Variants in MYOZ3 observed in about 807,000 individuals in gnomAD.
The protein encoded by MYOZ3 is myozenin-3.
In MYOZ3, 19 loss-of-function variants were observed where a neutral mutation model predicts 26.5. The ratio of observed to expected loss-of-function variants is 0.72; its 90% CI spans 0.50 to 1.05. MYOZ3 has a LOEUF of 1.05. Ranked by LOEUF, MYOZ3 falls within the 50% of genes least tolerant of loss-of-function variation. The pLI, the probability that MYOZ3 is intolerant of heterozygous loss-of-function variation, is 0.00. For synonymous variants in MYOZ3, 135 were observed against 138.8 expected, an observed-to-expected ratio of 0.97 and a Z score of 0.19; for missense variants, 322 against 337.1, an observed-to-expected ratio of 0.96 and a Z score of 0.35.
intron 2 of MYOZ3, among the ~76,000 whole-genome samples, chr5:150,669,758 G>A (rs138848496): frequency 3.5e-5 from 5 of 142,308 alleles, no homozygotes; most frequent in African/African-American, 1.3e-4. Context: ...TGATTCTCCT[G>A]CCTCAGCCTC....
intron 4 of MYOZ3, 42 bp from the exon 5 acceptor site, chr5:150,671,713 G>T (rs1561670942): frequency 6.2e-7 from 1 of 1,613,312 alleles, no homozygotes; most frequent in Non-Finnish European, 8.5e-7. Context: ...GCTGGGGGCG[G>T]GAGGTCGTCG....
rs765211267 is a variant in MYOZ3, at chr5:150,671,754, G to A, written c.271-1G>A. 1.9e-6 allele frequency: 3 copies of A among 1,613,396 alleles called. No homozygotes were observed. In the Admixed American group the frequency reaches 5.0e-5, roughly 27 times the overall value. The stretch of plus-strand genomic sequence containing the variant: ...CTCTGAGAACCCGCCCCTGTGCCCA[G>A]GTTGCCAATGCCAATGGCCCTGAGG... On this transcript the variant is annotated splice_acceptor_variant, in intron 4 of 6. Coordinates refer to ENST00000517768, the MANE Select transcript of MYOZ3 (RefSeq NM_001122853.3). LOFTEE classifies it high-confidence loss of function.
chr5:150,668,116 CTTG>C (rs1225635239), intron 2 of MYOZ3, among the ~76,000 whole-genome samples: 1 of 152,180 alleles, frequency 6.6e-6, no homozygotes, highest in Non-Finnish European at 1.5e-5. Flanking sequence ...ATGTCACTCA[CTTG>C]TTTGAAAAAC....
chr5:150,670,632 G>A lies in MYOZ3; in HGVS notation c.210G>A (p.Gln70=). The part of the protein sequence containing the change: ...QKFTFELAAS[Q]RAMLAGSARR... The stretch of plus-strand genomic sequence containing the variant: ...TCACTTTCGAGTTAGCAGCCAGCCA[G>A]CGGGCGGTGAGTAAGCCACCATTGT... The change falls in exon 3 of 7, where the codon CAG becomes CAA. Residue 70 remains glutamine (Q), a synonymous_variant. Transcript: ENST00000517768. 1.9e-6 allele frequency: 3 copies of A among 1,608,346 alleles called. No homozygotes were observed. Among genetic ancestry groups the A allele is most frequent in the Non-Finnish European group, 2.6e-6 (3 of 1,175,768 alleles).
chr5:150,670,586 G>A lies in MYOZ3; in HGVS notation c.164G>A (p.Arg55Lys). 6.2e-7 allele frequency: 1 copy of A among 1,613,210 alleles called. No homozygotes were observed. The highest frequency in any genetic ancestry group is 8.5e-7 in the Non-Finnish European group (1 of 1,179,550). The change falls in exon 3 of 7, where the codon AGG becomes AAG. Residue 55 changes from arginine (R) to lysine (K), a missense_variant. Coordinates refer to ENST00000517768, the MANE Select transcript of MYOZ3 (RefSeq NM_001122853.3). ...AGAGGGTCCCTCCTCTTCCAGAAGA[G>A]GCAGCGCCGTGTGCAGAAGTTCACT... ...NNRGSLLFQK[R>K]QRRVQKFTFE...
At chr5:150,666,735 C>G (rs1395962421) in intron 2 of MYOZ3, among the ~76,000 whole-genome samples, 1 of 149,572 alleles carries the variant, frequency 6.7e-6, no homozygotes, top group Non-Finnish European at 1.5e-5. Flanking sequence ...CTTACTTTCC[C>G]CTCCAATTAA....
intron 6 of MYOZ3, 169 bp downstream of exon 6, chr5:150,672,671 A>G (rs1023193766): frequency 1.4e-6 from 1 of 714,840 alleles, no homozygotes; most frequent in African/African-American, 1.8e-5. Context: ...CGCACCTGGT[A>G]GGTGCTCAGT....
chr5:150,663,696 T>C (rs1275492115), intron 2 of MYOZ3, among the ~76,000 whole-genome samples: 3 of 152,128 alleles, frequency 2.0e-5, no homozygotes, highest in Non-Finnish European at 4.4e-5. Flanking sequence ...TTCAGGTATT[T>C]TAAAAATTAA....
intron 5 of MYOZ3, 48 bp downstream of exon 5, chr5:150,671,956 C>A: frequency 6.8e-7 from 1 of 1,477,070 alleles, no homozygotes; most frequent in South Asian, 1.4e-5. Context: ...GGGCCTGAAG[C>A]ATGGGTGTGC....
At chr5:150,667,206 T>C (rs1338063358) in intron 2 of MYOZ3, among the ~76,000 whole-genome samples, 3 of 152,224 alleles carry the variant, frequency 2.0e-5, no homozygotes, top group African/African-American at 7.2e-5. Flanking sequence ...TGACCCCCAG[T>C]ACTGCCTGGT....
Position 150,666,648 on chromosome 5 carries a change from T to C in MYOZ3, c.61+3646T>C, listed in dbSNP as rs191747235. Among the ~76,000 whole-genome samples, 519 of 143,024 alleles carry C rather than the reference T, an allele frequency of 3.6e-3. 1 individual carries two copies. Among genetic ancestry groups the C allele is most frequent in the African/African-American group, 0.011 (395 of 37,562 alleles). The allele number at this position is 143,024 out of a possible 152,430, so 93.8% of individuals were successfully genotyped here. A position where few individuals can be genotyped will look rare whatever the true frequency, so the allele number is the denominator to read the frequency against. On this transcript the variant is annotated intron_variant, in intron 2 of 6. Coordinates refer to ENST00000517768, the MANE Select transcript of MYOZ3 (RefSeq NM_001122853.3). ...AAAAAAAAATATATATATATATATA[T>C]ACACACACATATATATAAAATATAG...
rs765440767 is a variant in MYOZ3, at chr5:150,671,598, T to TG, written c.219dup (p.Leu74AlafsTer25). ...TTTATTCTACCCCCTCGTTCCCAGA[T>TG]GCTGGCCGGAAGCGCCAGGAGGAAG... On this transcript the variant is annotated frameshift_variant and splice_region_variant, in exon 4 of 7. Transcript: ENST00000517768. LOFTEE classifies it high-confidence loss of function. 1 of 1,613,648 alleles carries TG rather than the reference T, an allele frequency of 6.2e-7. No individual in the cohort carries two copies. The highest frequency in any genetic ancestry group is 1.3e-5 in the African/African-American group (1 of 74,964).
At position 150,677,015 on chromosome 5, in the gene MYOZ3, T is replaced by C. The variant is rs902439119; in HGVS notation, c.*140T>C. On this transcript the variant is annotated 3_prime_UTR_variant, in exon 7 of 7. Transcript: ENST00000517768. The stretch of plus-strand genomic sequence containing the variant: ...CAAATGGCTTCAGAGGTCACCAAGT[T>C]CAGTCGTCCCAAAACATGGGTGTGT... The C allele has an allele frequency of 9.0e-6, 7 of 777,808 alleles. No individual in the cohort carries two copies. The African/African-American group carries it at 1.0e-4, about 12-fold the overall frequency. 48.2% of individuals were successfully genotyped at this position (777,808 alleles called of 1,614,324 possible).
intron 6 of MYOZ3, among the ~76,000 whole-genome samples, chr5:150,676,076 C>T (rs936877207): frequency 1.3e-5 from 2 of 152,158 alleles, no homozygotes; most frequent in African/African-American, 4.8e-5. Flanking sequence ...CTAATGCTCT[C>T]TTCTCTCTCT....
intron 6 of MYOZ3, 133 bp from the exon 7 acceptor site, chr5:150,676,574 A>C (rs1759010732): frequency 1.3e-6 from 1 of 753,266 alleles, no homozygotes; most frequent in Non-Finnish European, 2.1e-6. Flanking sequence ...GATGTACAGA[A>C]TCTTGCTGTA....
chr5:150,662,493 AC>A (rs1037054378), intron 1 of MYOZ3, among the ~76,000 whole-genome samples: 2 of 151,964 alleles, frequency 1.3e-5, no homozygotes, highest in African/African-American at 4.8e-5. Flanking sequence ...CCCCAGTGTA[AC>A]CCCAACCTAG....
chr5:150,676,422 T>TA, intron 6 of MYOZ3, among the ~76,000 whole-genome samples: 1 of 151,522 alleles, frequency 6.6e-6, no homozygotes, highest in Non-Finnish European at 1.5e-5. Flanking sequence ...CACGTGCCTG[T>TA]AATCCCAGCT....
At position 150,676,854 on chromosome 5, in the gene MYOZ3, C is replaced by T. The variant is rs1421059657; in HGVS notation, c.735C>T (p.Leu245=). The change falls in exon 7 of 7, where the codon CTC becomes CTT. Residue 245 remains leucine (L), a synonymous_variant. Transcript: ENST00000517768. ...NRVAQGWVRN[L]PESEEL ...TGGCCCAGGGCTGGGTCCGTAACCT[C>T]CCAGAGTCCGAGGAGCTGTAGCCCT... 4 of 1,612,328 alleles carry T rather than the reference C, an allele frequency of 2.5e-6. No individual in the cohort carries two copies. The highest frequency in any genetic ancestry group is 1.7e-5 in the Admixed American group (1 of 59,988).
At chr5:150,672,596 G>A (rs1221502473) in intron 6 of MYOZ3, 94 bp downstream of exon 6, 1 of 1,405,942 alleles carries the variant, frequency 7.1e-7, no homozygotes, top group Non-Finnish European at 9.5e-7. Flanking sequence ...AGCACTTTCT[G>A]CAGGCCAGGC....
Sources: gnomAD v4.1 joint callset for allele counts (sites outside exome capture counted in the v4.1 genomes callset) on GRCh38, gnomAD v4.1.1 for gene constraint, MANE v1.5 for transcripts, NCBI Gene and HGNC (gene_info 2026-07-23, HGNC 2026-07-21) for gene names.